The following EYA4 variants were observed in gnomAD, a reference collection of about 807,000 sequenced individuals.
EYA4 encodes protein phosphatase EYA4.
Under a neutral mutation model 87.9 loss-of-function variants are expected in EYA4, and 31 were observed. The observed-to-expected ratio is 0.35, with a 90% CI of 0.27 to 0.48. The LOEUF (loss-of-function observed/expected upper bound fraction) is 0.48. EYA4 is among the 20% of genes least tolerant of loss of function. The pLI is 0.99. For synonymous variants in EYA4, 263 were observed against 270.6 expected (o/e 0.97, Z 0.28); for missense variants, 678 against 761.4 (o/e 0.89, Z 1.29).
intron 1 of EYA4, among the ~76,000 whole-genome samples, chr6:133,258,312 G>A (rs1775512949): frequency 6.6e-6 from 1 of 152,150 alleles, no homozygotes; most frequent in South Asian, 2.1e-4. Context: ...GAGAGAGGGG[G>A]CAAATTATTC....
At chr6:133,434,211 C>T (rs1791441030) in intron 3 of EYA4, among the ~76,000 whole-genome samples, 4 of 152,156 alleles carry the variant, frequency 2.6e-5, no homozygotes, top group Admixed American at 2.6e-4. Context: ...GTGTGAAAGA[C>T]TGTTATATGA....
chr6:133,429,367 T>A (rs1347524118), intron 3 of EYA4, among the ~76,000 whole-genome samples: 1 of 152,022 alleles, frequency 6.6e-6, no homozygotes. Flanking sequence ...ATTAGTAAGC[T>A]TAGGAGGGAG....
intron 3 of EYA4, among the ~76,000 whole-genome samples, chr6:133,442,575 G>C (rs1045159034): frequency 2.0e-5 from 3 of 151,978 alleles, no homozygotes; most frequent in Admixed American, 1.3e-4. Flanking sequence ...TGGGGGTTTG[G>C]GGTATGAATT....
intron 3 of EYA4, among the ~76,000 whole-genome samples, chr6:133,409,109 G>C (rs961647934): frequency 2.5e-4 from 38 of 152,142 alleles, no homozygotes; most frequent in Admixed American, 1.5e-3. Context: ...GTCTACTCAA[G>C]GGTGGGTTGG....
chr6:133,404,565 G>T (rs3777822), intron 3 of EYA4, among the ~76,000 whole-genome samples: 5,231 of 152,126 alleles, frequency 0.034, 278 homozygotes, highest in East Asian at 0.22. Context: ...AATACATATG[G>T]TCATGCTAAA....
chr6:133,259,404 C>A lies in EYA4; in HGVS notation c.-65-15312C>A, dbSNP rs182979226. On this transcript the variant is annotated intron_variant, in intron 1 of 19. Coordinates refer to ENST00000355286, the MANE Select transcript of EYA4 (RefSeq NM_004100.5). ...TGATACATTATTTTCTGAATTCTTA[C>A]AACTTCAGCCCTTTTAAAGGTCTTT... Among the ~76,000 whole-genome samples the A allele has an allele frequency of 3.0e-4, 46 of 152,324 alleles. No homozygotes were observed. In the East Asian group the frequency reaches 6.2e-3, roughly 20 times the overall value.
At chr6:133,488,713 T>G (rs1464460031) in intron 13 of EYA4, among the ~76,000 whole-genome samples, 3 of 152,238 alleles carry the variant, frequency 2.0e-5, no homozygotes, top group African/African-American at 7.2e-5. Flanking sequence ...CCCCATTTAA[T>G]GCAGATAGCA....
intron 1 of EYA4, among the ~76,000 whole-genome samples, chr6:133,262,988 T>C (rs1775920566): frequency 6.6e-6 from 1 of 152,162 alleles, no homozygotes; most frequent in African/African-American, 2.4e-5. Flanking sequence ...CTCTGAACAG[T>C]TGGCCATAGA....
chr6:133,303,343 C>T (rs1171722104), intron 2 of EYA4, among the ~76,000 whole-genome samples: 1 of 152,132 alleles, frequency 6.6e-6, no homozygotes, highest in Non-Finnish European at 1.5e-5. Flanking sequence ...TTCATGGTGA[C>T]TTGACTGTGG....
At chr6:133,502,834 T>C (rs1033955278) in intron 13 of EYA4, among the ~76,000 whole-genome samples, 2 of 152,154 alleles carry the variant, frequency 1.3e-5, no homozygotes, top group African/African-American at 4.8e-5. Flanking sequence ...TTGGCATGGC[T>C]GATGAAACCT....
Position 133,531,010 on chromosome 6 carries a change from G to T in EYA4, c.*2205G>T. 7.3e-7 allele frequency: 1 copy of T among 1,360,702 alleles called. No homozygotes were observed. 84.3% of individuals were successfully genotyped at this position (1,360,702 alleles called of 1,614,324 possible). A position where few individuals can be genotyped will look rare whatever the true frequency, so the allele number is the denominator to read the frequency against. ...ACAAATTATCTTTACTGTATAGCTG[G>T]TTTCTTTAAATGTTGATAGAATTGT... On this transcript the variant is annotated 3_prime_UTR_variant, in exon 20 of 20. Transcript: ENST00000355286.
At chr6:133,470,118 G>T (rs1394682253) in intron 11 of EYA4, among the ~76,000 whole-genome samples, 7 of 149,774 alleles carry the variant, frequency 4.7e-5, no homozygotes, top group South Asian at 2.1e-4. Context: ...GTCAATGTTG[G>T]CTTTTGTTGC....
chr6:133,466,869 TG>T lies in EYA4; in HGVS notation c.805-1695del, dbSNP rs1794895759. Among the ~76,000 whole-genome samples, 3 of 151,886 alleles carry T rather than the reference TG, an allele frequency of 2.0e-5. No individual in the cohort carries two copies. The South Asian group carries it at 6.2e-4, about 32-fold the overall frequency. ...GGCGGGGGCCTGCTCACGTAAGGCC[TG>T]GTGGTTTACAATAAGGAATTTGGAT... On this transcript the variant is annotated intron_variant, in intron 10 of 19. Transcript: ENST00000355286.
intron 10 of EYA4, among the ~76,000 whole-genome samples, chr6:133,465,310 A>T (rs1392302821): frequency 2.6e-5 from 4 of 152,182 alleles, no homozygotes; most frequent in African/African-American, 9.6e-5. Context: ...TTACTAAACA[A>T]AATGCCTCAA....
At chr6:133,354,643 T>G (rs1298330874) in intron 2 of EYA4, among the ~76,000 whole-genome samples, 2 of 152,226 alleles carry the variant, frequency 1.3e-5, no homozygotes, top group African/African-American at 2.4e-5. Flanking sequence ...GTATATTGCT[T>G]CTTTTTCTGT....
intron 1 of EYA4, among the ~76,000 whole-genome samples, chr6:133,262,151 A>T (rs1343396071): frequency 6.6e-6 from 1 of 152,212 alleles, no homozygotes; most frequent in African/African-American, 2.4e-5. Flanking sequence ...TTTCCTCAGG[A>T]TGATCATAAA....
upstream of EYA4, chr6:133,241,318 G>C (rs498079): frequency 0.81 from 123,016 of 152,096 alleles, 50,382 homozygotes; most frequent in African/African-American, 0.93. Flanking sequence ...CGAGGCTGCC[G>C]GCAGCGCGGC....
intron 3 of EYA4, among the ~76,000 whole-genome samples, chr6:133,433,103 G>GT (rs1791335543): frequency 6.6e-6 from 1 of 152,062 alleles, no homozygotes. Flanking sequence ...CTCTTCAATT[G>GT]TATTTTTGTA....
intron 2 of EYA4, among the ~76,000 whole-genome samples, chr6:133,369,697 C>G (rs1785121860): frequency 6.6e-6 from 1 of 152,174 alleles, no homozygotes; most frequent in Non-Finnish European, 1.5e-5. Context: ...TTGATATTAA[C>G]TTGCCATAAA....
Sources: gnomAD v4.1 joint callset for allele counts (sites outside exome capture counted in the v4.1 genomes callset) on GRCh38, gnomAD v4.1.1 for gene constraint, MANE v1.5 for transcripts, NCBI Gene and HGNC (gene_info 2026-07-23, HGNC 2026-07-21) for gene names.